PRKCQ: variants seen among roughly 807,000 people sequenced by gnomAD.
PRKCQ encodes the protein protein kinase C theta.
Under a neutral mutation model 91.2 loss-of-function variants are expected in PRKCQ, and 41 were observed. That is an observed-to-expected ratio of 0.45 (90% CI 0.35 to 0.58). The LOEUF (loss-of-function observed/expected upper bound fraction) is 0.58, where lower values mean the gene tolerates loss of function less well. Ranked by LOEUF, PRKCQ falls within the 20% of genes least tolerant of loss-of-function variation. The probability of loss-of-function intolerance (pLI) is 0.00; values close to 1 mark genes in which losing one functional copy is unlikely to be tolerated. For synonymous variants in PRKCQ, 307 were observed against 316.9 expected, an observed-to-expected ratio of 0.97 and a Z score of 0.33; for missense variants, 673 against 896.5, an observed-to-expected ratio of 0.75 and a Z score of 3.18.
intron 1 of PRKCQ, among the ~76,000 whole-genome samples, chr10:6,548,869 A>G (rs1251703327): frequency 6.6e-6 from 1 of 152,118 alleles, no homozygotes; most frequent in East Asian, 1.9e-4. Flanking sequence ...GTACCCTAAA[A>G]CTTAAAGTAT....
At chr10:6,408,065 T>C in the PRKCQ span, among the ~76,000 whole-genome samples, 1 of 147,216 alleles carries the variant, frequency 6.8e-6, no homozygotes, top group Admixed American at 6.7e-5. Context: ...TTTTTTTTTT[T>C]TTTTTTTTTA....
intron 1 of PRKCQ, among the ~76,000 whole-genome samples, chr10:6,560,558 G>A (rs1344644577): frequency 3.9e-5 from 6 of 152,214 alleles, no homozygotes; most frequent in Middle Eastern, 3.4e-3. Flanking sequence ...AGTGTTTCAC[G>A]GATATGCTGC....
chr10:6,421,088 T>A, the PRKCQ span, among the ~76,000 whole-genome samples: 3 of 152,206 alleles, frequency 2.0e-5, no homozygotes, highest in Admixed American at 6.5e-5. This position sits in a 1 kb window ranked among gnomAD's most constrained non-coding sequence, Gnocchi z 4.1. Flanking sequence ...CTAGTTTTCA[T>A]CTACTTTTGG....
the PRKCQ span, among the ~76,000 whole-genome samples, chr10:6,417,845 T>G: frequency 6.6e-6 from 1 of 152,228 alleles, no homozygotes; most frequent in African/African-American, 2.4e-5. Flanking sequence ...AGATTTTTAA[T>G]GTCATTCCTA....
chr10:6,567,159 T>G (rs960728414), intron 1 of PRKCQ, among the ~76,000 whole-genome samples: 1 of 152,148 alleles, frequency 6.6e-6, no homozygotes, highest in South Asian at 2.1e-4. Flanking sequence ...GATAGAAGCC[T>G]CAAGCTCCCA....
the PRKCQ span, among the ~76,000 whole-genome samples, chr10:6,419,721 T>C: frequency 1.3e-5 from 2 of 150,264 alleles, no homozygotes; most frequent in African/African-American, 4.9e-5. Context: ...CAGAGTCTTG[T>C]TCTGTCACCC....
chr10:6,577,083 T>C (rs1013036042), intron 1 of PRKCQ, among the ~76,000 whole-genome samples: 8 of 152,164 alleles, frequency 5.3e-5, no homozygotes, highest in Non-Finnish European at 8.8e-5. Context: ...ATTAGCTTAA[T>C]TCAAAAGCTA....
chr10:6,511,421 A>T (rs1838471151), intron 2 of PRKCQ, among the ~76,000 whole-genome samples: 1 of 152,200 alleles, frequency 6.6e-6, no homozygotes, highest in African/African-American at 2.4e-5. Flanking sequence ...AGCGTTGATA[A>T]TTCAGACAAC....
chr10:6,540,271 G>A (rs148243389), intron 1 of PRKCQ, among the ~76,000 whole-genome samples: 12 of 152,230 alleles, frequency 7.9e-5, no homozygotes, highest in African/African-American at 2.4e-4. Flanking sequence ...ATTTTTAATT[G>A]TATAGTTCAG....
chr10:6,534,801 T>A (rs542861475), intron 1 of PRKCQ, among the ~76,000 whole-genome samples: 1 of 144,144 alleles, frequency 6.9e-6, no homozygotes, highest in Non-Finnish European at 1.5e-5. Context: ...TAGATATATA[T>A]ATATATATAT....
intron 3 of PRKCQ, among the ~76,000 whole-genome samples, chr10:6,508,530 A>G (rs548507551): frequency 1.3e-5 from 2 of 152,400 alleles, no homozygotes; most frequent in East Asian, 3.9e-4. Flanking sequence ...TGAGAATTTT[A>G]TGATAAAATA....
At chr10:6,395,225 G>T in the PRKCQ span, among the ~76,000 whole-genome samples, 1 of 151,926 alleles carries the variant, frequency 6.6e-6, no homozygotes, top group African/African-American at 2.4e-5. Context: ...CACCGTGCCC[G>T]GCTAATTTTT....
chr10:6,559,933 G>A (rs1223602352), intron 1 of PRKCQ, among the ~76,000 whole-genome samples: 2 of 152,148 alleles, frequency 1.3e-5, no homozygotes, highest in Non-Finnish European at 2.9e-5. Context: ...CACTGTATTT[G>A]AGGTGCCTGA....
intron 3 of PRKCQ, among the ~76,000 whole-genome samples, chr10:6,510,688 TC>T (rs1160603571): frequency 1.3e-5 from 2 of 152,140 alleles, no homozygotes; most frequent in African/African-American, 2.4e-5. Flanking sequence ...CAAAAACTCA[TC>T]CCCCACTTAA....
At chr10:6,424,404 T>A (rs1833070104), downstream of PRKCQ, among the ~76,000 whole-genome samples, 1 of 152,180 alleles carries the variant, frequency 6.6e-6, no homozygotes, top group Non-Finnish European at 1.5e-5. Flanking sequence ...GTCAGCGTCT[T>A]CATACTTCTC....
At chr10:6,496,343 C>A (rs1837600302) in intron 7 of PRKCQ, among the ~76,000 whole-genome samples, 1 of 152,032 alleles carries the variant, frequency 6.6e-6, no homozygotes, top group African/African-American at 2.4e-5. Flanking sequence ...CCAGTTTCCC[C>A]CCTCCATTAG....
In PRKCQ at chr10:6,497,317, G is replaced by C; in HGVS notation, c.543-66C>G. The C allele has an allele frequency of 6.4e-7, 1 of 1,562,288 alleles. No individual in the cohort carries two copies. The highest frequency in any genetic ancestry group is 8.8e-7 in the Non-Finnish European group (1 of 1,133,846). ...CAACATCAGCACCAACAGCATTTAA[G>C]AGATGGATGAGATCTCATAACCCCC... On this transcript the variant is annotated intron_variant, in intron 5 of 17. Transcript: ENST00000263125. This position sits in a 1 kb window ranked among gnomAD's most constrained non-coding sequence, Gnocchi z 4.5.
rs1233263552 is a variant in PRKCQ, at chr10:6,497,228, T to G, written c.566A>C (p.Gln189Pro). Residue 189 changes from glutamine to proline, a missense_variant, in exon 6 of 18, where the codon CAG becomes CCG. Physicochemically the swap from Gln to Pro is moderately conservative, Grantham distance 76. Transcript: ENST00000263125. The surrounding 1 kb of genome is among the most constrained non-coding windows in gnomAD (Gnocchi z 4.5). ...AAAACCCTCTTACTTACGTCGGCACTGGTAGCCCTGTTTGTTCAGGCCCCT... is the reference window on the plus strand; with the variant it reads ...AAAACCCTCTTACTTACGTCGGCACGGGTAGCCCTGTTTGTTCAGGCCCCT... The part of the protein sequence containing the change: ...FVWGLNKQGY[Q>P]CRQCNAAIHK... The G allele has an allele frequency of 1.2e-6, 2 of 1,614,206 alleles. No homozygotes were observed.
intron 1 of PRKCQ, among the ~76,000 whole-genome samples, chr10:6,519,286 A>C (rs747500787): frequency 1.3e-5 from 2 of 152,028 alleles, no homozygotes; most frequent in African/African-American, 2.4e-5. Flanking sequence ...TCCTCTGTGC[A>C]CTCTAAATTT....
Sources: allele counts gnomAD v4.1 joint callset (sites outside exome capture counted in the v4.1 genomes callset), GRCh38; gene constraint gnomAD v4.1.1; non-coding constraint Gnocchi (gnomAD v3.1); transcripts MANE v1.5; gene names NCBI Gene and HGNC (gene_info 2026-07-23, HGNC 2026-07-21).